SLC4A4: variants seen among roughly 807,000 people sequenced by gnomAD.
The protein encoded by SLC4A4 is solute carrier family 4 member 4.
A neutral mutation model predicts 111.5 loss-of-function variants in SLC4A4; 27 were observed. The ratio of observed to expected loss-of-function variants is 0.24; its 90% CI spans 0.18 to 0.33. The LOEUF (loss-of-function observed/expected upper bound fraction) is 0.33, where lower values mean the gene tolerates loss of function less well. Ranked by LOEUF, SLC4A4 falls within the 10% of genes least tolerant of loss-of-function variation. The pLI, the probability that SLC4A4 is intolerant of heterozygous loss-of-function variation, is 1.00. For synonymous variants in SLC4A4, 443 were observed against 463.4 expected, an observed-to-expected ratio of 0.96 and a Z score of 0.57; for missense variants, 909 against 1,315.5, an observed-to-expected ratio of 0.69 and a Z score of 4.78.
intron 2 of SLC4A4, among the ~76,000 whole-genome samples, chr4:71,161,684 T>TTGAA (rs1302955364): frequency 2.0e-5 from 3 of 152,156 alleles, no homozygotes; most frequent in Admixed American, 1.3e-4. Context: ...CTATTAACTG[T>TTGAA]TGAATGAATG....
chr4:71,352,152 G>A (rs1421082094), intron 5 of SLC4A4, among the ~76,000 whole-genome samples: 1 of 152,076 alleles, frequency 6.6e-6, no homozygotes, highest in Non-Finnish European at 1.5e-5. Flanking sequence ...ATAATGATTG[G>A]CAACAATCAA....
intron 1 of SLC4A4, among the ~76,000 whole-genome samples, chr4:71,090,105 C>T (rs1742336876): frequency 6.6e-6 from 1 of 152,068 alleles, no homozygotes; most frequent in Admixed American, 6.5e-5. Flanking sequence ...GCGGGCGCCA[C>T]TCCCCCAGCC....
intron 1 of SLC4A4, among the ~76,000 whole-genome samples, chr4:71,074,639 G>A (rs377194159): frequency 6.6e-6 from 1 of 151,410 alleles, no homozygotes; most frequent in African/African-American, 2.4e-5. Flanking sequence ...AGAAAAAGGA[G>A]AAGAGAAAGG....
intron 3 of SLC4A4, among the ~76,000 whole-genome samples, chr4:71,318,163 A>G (rs545731804): frequency 3.9e-5 from 6 of 152,066 alleles, no homozygotes; most frequent in Non-Finnish European, 8.8e-5. Context: ...GTGGATGTGT[A>G]GCTCAGTTTG....
At chr4:71,516,669 G>A (rs1732428058) in intron 16 of SLC4A4, among the ~76,000 whole-genome samples, 2 of 152,184 alleles carry the variant, frequency 1.3e-5, no homozygotes, top group South Asian at 2.1e-4. Context: ...GTGGACCACT[G>A]AAGTTCTCTT....
At position 71,301,188 on chromosome 4, in the gene SLC4A4, A is replaced by G. The variant is rs539087226; in HGVS notation, c.254-38182A>G. 24 of 274,078 alleles carry G rather than the reference A, an allele frequency of 8.8e-5. No homozygotes were observed. The East Asian group carries it at 1.7e-3, about 19-fold the overall frequency. 17.0% of individuals were successfully genotyped at this position (274,078 alleles called of 1,614,324 possible). The stretch of plus-strand genomic sequence containing the variant: ...AGCAGCATCAAGGTCCATTACACTC[A>G]TACCCACACCAGACCTTGGGTGGCT... On this transcript the variant is annotated intron_variant, in intron 3 of 25. Transcript: ENST00000264485.
intron 20 of SLC4A4, among the ~76,000 whole-genome samples, chr4:71,550,434 A>C (rs913447430): frequency 1.7e-4 from 26 of 151,946 alleles, no homozygotes; most frequent in Non-Finnish European, 3.4e-4. Flanking sequence ...TTGAGGGTAC[A>C]GTTTAACTAA....
chr4:71,521,027 A>G (rs1442833129), intron 16 of SLC4A4, among the ~76,000 whole-genome samples: 1 of 152,084 alleles, frequency 6.6e-6, no homozygotes, highest in Non-Finnish European at 1.5e-5. Flanking sequence ...TGGTCTGATC[A>G]AAATTTTAAA....
intron 3 of SLC4A4, chr4:71,300,368 G>T: frequency 4.4e-6 from 1 of 229,118 alleles, no homozygotes; most frequent in South Asian, 7.9e-5. Flanking sequence ...GCACGGCATT[G>T]ACCACCAGTG....
chr4:71,273,245 A>G (rs1722821619), intron 3 of SLC4A4, among the ~76,000 whole-genome samples: 2 of 152,232 alleles, frequency 1.3e-5, no homozygotes, highest in Admixed American at 6.5e-5. Context: ...GTCTCTACAT[A>G]TATAGTGGAT....
chr4:71,127,216 T>C (rs1451566549), intron 2 of SLC4A4, among the ~76,000 whole-genome samples: 2 of 152,182 alleles, frequency 1.3e-5, no homozygotes, highest in African/African-American at 4.8e-5. Flanking sequence ...CTTTGCAGCC[T>C]TTGTAGAAAC....
intron 1 of SLC4A4, among the ~76,000 whole-genome samples, chr4:71,208,952 A>C (rs562064548): frequency 1.3e-5 from 2 of 152,264 alleles, no homozygotes; most frequent in African/African-American, 2.4e-5. Flanking sequence ...GAAATTGGCT[A>C]GCAATCAGCT....
chr4:71,144,859 G>A (rs1259789048), intron 2 of SLC4A4, among the ~76,000 whole-genome samples: 1 of 152,018 alleles, frequency 6.6e-6, no homozygotes, highest in African/African-American at 2.4e-5. Flanking sequence ...TGAGACGATG[G>A]GGTTTTCTAG....
chr4:71,450,851 A>C (rs1725695684), intron 10 of SLC4A4, among the ~76,000 whole-genome samples: 1 of 152,234 alleles, frequency 6.6e-6, no homozygotes, highest in Admixed American at 6.5e-5. Flanking sequence ...CTGGAAACAT[A>C]AATTTACTGA....
intron 7 of SLC4A4, among the ~76,000 whole-genome samples, chr4:71,425,776 T>G (rs1452780863): frequency 6.6e-6 from 1 of 152,028 alleles, no homozygotes; most frequent in Non-Finnish European, 1.5e-5. Context: ...AGAGTTTATC[T>G]AAAGACCTAG....
intron 1 of SLC4A4, among the ~76,000 whole-genome samples, chr4:71,092,032 TGTG>T (rs1272042885): frequency 2.6e-5 from 4 of 152,206 alleles, no homozygotes; most frequent in Admixed American, 1.3e-4. Flanking sequence ...TTTTATCCTT[TGTG>T]GTATCAAGTA....
At chr4:71,162,011 T>C (rs1474779750) in intron 2 of SLC4A4, among the ~76,000 whole-genome samples, 1 of 152,172 alleles carries the variant, frequency 6.6e-6, no homozygotes, top group Non-Finnish European at 1.5e-5. Flanking sequence ...ATAATGAGTT[T>C]AATAATGAAG....
intron 6 of SLC4A4, among the ~76,000 whole-genome samples, chr4:71,388,642 C>G (rs1453150276): frequency 6.6e-6 from 1 of 152,110 alleles, no homozygotes; most frequent in Non-Finnish European, 1.5e-5. Context: ...CTCCTGGGCC[C>G]AAGCAGTCCT....
intron 20 of SLC4A4, among the ~76,000 whole-genome samples, chr4:71,548,088 C>T (rs961130749): frequency 2.0e-5 from 3 of 151,836 alleles, no homozygotes; most frequent in East Asian, 1.9e-4. Context: ...CTTCTATCAC[C>T]TTCCATTTGC....
Sources: allele counts gnomAD v4.1 joint callset (sites outside exome capture counted in the v4.1 genomes callset), GRCh38; gene constraint gnomAD v4.1.1; transcripts MANE v1.5; gene names NCBI Gene and HGNC (gene_info 2026-07-23, HGNC 2026-07-21).